The following STARD13 variants were observed in gnomAD, a reference collection of about 807,000 sequenced individuals.
The protein encoded by STARD13 is StAR related lipid transfer domain containing 13.
A neutral mutation model predicts 106.4 loss-of-function variants in STARD13; 62 were observed. The ratio of observed to expected loss-of-function variants is 0.58; its 90% CI spans 0.48 to 0.72. STARD13 has a LOEUF of 0.72. Ranked by LOEUF, STARD13 falls within the 30% of genes least tolerant of loss-of-function variation. STARD13 has a pLI of 0.00. For synonymous variants in STARD13, 565 were observed against 553.0 expected (o/e 1.02, Z -0.31); for missense variants, 1,387 against 1,424.0 (o/e 0.97, Z 0.42).
chr13:33,591,807 G>GAAAA, the STARD13 span, among the ~76,000 whole-genome samples: 1,143 of 151,030 alleles, frequency 7.6e-3, 15 homozygotes, highest in African/African-American at 0.025. Context: ...AATATGGAAG[G>GAAAA]AAAAAAAAGA....
the STARD13 span, among the ~76,000 whole-genome samples, chr13:33,653,964 C>G: frequency 6.6e-6 from 1 of 152,128 alleles, no homozygotes; most frequent in Non-Finnish European, 1.5e-5. Flanking sequence ...ACATGCAAAT[C>G]AAAACCACAA....
At chr13:33,428,820 C>G in the STARD13 span, among the ~76,000 whole-genome samples, 1 of 152,008 alleles carries the variant, frequency 6.6e-6, no homozygotes. Flanking sequence ...CCAAACAACT[C>G]TATAGGAAAA....
At chr13:33,508,310 G>C in the STARD13 span, among the ~76,000 whole-genome samples, 1 of 152,200 alleles carries the variant, frequency 6.6e-6, no homozygotes, top group Non-Finnish European at 1.5e-5. Context: ...TTTTGGTTGT[G>C]TTGCTAACCC....
the STARD13 span, among the ~76,000 whole-genome samples, chr13:33,462,549 C>T: frequency 1.6e-4 from 25 of 152,270 alleles, no homozygotes; most frequent in African/African-American, 5.8e-4. Context: ...GTCCAAGTCC[C>T]AAAACCTCAA....
the STARD13 span, among the ~76,000 whole-genome samples, chr13:33,656,057 T>C: frequency 6.6e-6 from 1 of 152,204 alleles, no homozygotes; most frequent in Non-Finnish European, 1.5e-5. Context: ...GCAACTTCTC[T>C]CCTACTCCTT....
At chr13:33,221,482 A>C (rs967592438) in intron 1 of STARD13, among the ~76,000 whole-genome samples, 5 of 152,324 alleles carry the variant, frequency 3.3e-5, no homozygotes, top group African/African-American at 1.2e-4. Flanking sequence ...GTAGCGCAAA[A>C]GCATCAGTCT....
chr13:33,415,029 T>C, the STARD13 span, among the ~76,000 whole-genome samples: 146 of 152,258 alleles, frequency 9.6e-4, no homozygotes, highest in African/African-American at 3.1e-3. Context: ...ACCTGCGACA[T>C]ATTTGTATGT....
At chr13:33,372,491 C>T in the STARD13 span, among the ~76,000 whole-genome samples, 1 of 149,696 alleles carries the variant, frequency 6.7e-6, no homozygotes, top group Non-Finnish European at 1.5e-5. Context: ...ATCTCGTATG[C>T]CTTCTGAATG....
At chr13:33,310,110 C>A (rs1893074639) in intron 1 of STARD13, among the ~76,000 whole-genome samples, 1 of 152,162 alleles carries the variant, frequency 6.6e-6, no homozygotes, top group Non-Finnish European at 1.5e-5. Flanking sequence ...ACACTGAGTT[C>A]TTTTCAACTG....
intron 1 of STARD13, among the ~76,000 whole-genome samples, chr13:33,268,108 G>A (rs1890989439): frequency 6.6e-6 from 1 of 152,212 alleles, no homozygotes; most frequent in Admixed American, 6.5e-5. Context: ...TCATACACTG[G>A]ACTTCTGGGG....
the STARD13 span, among the ~76,000 whole-genome samples, chr13:33,464,230 A>G: frequency 6.6e-6 from 1 of 151,774 alleles, no homozygotes; most frequent in Non-Finnish European, 1.5e-5. Flanking sequence ...GAAATGGGAG[A>G]TGGATAAAGG....
intron 4 of STARD13, among the ~76,000 whole-genome samples, chr13:33,135,854 G>T (rs546922705): frequency 6.6e-6 from 1 of 152,294 alleles, no homozygotes; most frequent in East Asian, 1.9e-4. Context: ...CAGGCATAGT[G>T]GCTCATGCCT....
chr13:33,121,314 C>T (rs992421852), intron 7 of STARD13, among the ~76,000 whole-genome samples: 2 of 152,200 alleles, frequency 1.3e-5, no homozygotes, highest in South Asian at 2.1e-4. Flanking sequence ...CACCTGTAAT[C>T]CCAGCACTTT....
rs1171538862 is a variant in STARD13 at position 33,112,771 on chromosome 13, C to G, written c.2442G>C (p.Leu814=). 9 of 1,613,154 alleles carry G rather than the reference C, an allele frequency of 5.6e-6. No individual in the cohort carries two copies. The change falls in exon 9 of 14, where the codon CTG becomes CTC. Residue 814 remains leucine, a synonymous_variant. Coordinates refer to ENST00000336934, the MANE Select transcript of STARD13 (RefSeq NM_178006.4). ...AATTAAGATGAAAGAGGGAGGGGGCCAGACACACTGCCAGGTTCATGGGCG... is the reference window on the plus strand; with the variant it reads ...AATTAAGATGAAAGAGGGAGGGGGCGAGACACACTGCCAGGTTCATGGGCG... ...QMTPMNLAVC[L]APSLFHLNLL...
chr13:33,453,786 T>C, the STARD13 span, among the ~76,000 whole-genome samples: 3 of 152,190 alleles, frequency 2.0e-5, no homozygotes, highest in Non-Finnish European at 4.4e-5. Context: ...AAAGAGTGTG[T>C]AACAGGGAGG....
the STARD13 span, among the ~76,000 whole-genome samples, chr13:33,444,109 G>A: frequency 2.0e-5 from 3 of 152,078 alleles, no homozygotes; most frequent in Admixed American, 2.0e-4. Context: ...GTTAGATCAC[G>A]TGTCTCTCGA....
chr13:33,639,752 C>T, the STARD13 span, among the ~76,000 whole-genome samples: 6 of 152,208 alleles, frequency 3.9e-5, no homozygotes, highest in African/African-American at 1.4e-4. Flanking sequence ...AGGCAAAAGC[C>T]AAACTGTAAT....
the STARD13 span, among the ~76,000 whole-genome samples, chr13:33,358,323 C>T: frequency 6.6e-6 from 1 of 152,226 alleles, no homozygotes; most frequent in African/African-American, 2.4e-5. Flanking sequence ...CCCTGCTCCA[C>T]GGTGCCCAGT....
intron 1 of STARD13, among the ~76,000 whole-genome samples, chr13:33,191,527 C>T (rs1032084202): frequency 1.3e-5 from 2 of 152,178 alleles, no homozygotes; most frequent in African/African-American, 4.8e-5. Flanking sequence ...CAACCACATG[C>T]CGATGTCCTG....
Sources: allele counts gnomAD v4.1 joint callset (sites outside exome capture counted in the v4.1 genomes callset), GRCh38; gene constraint gnomAD v4.1.1; transcripts MANE v1.5; gene names NCBI Gene and HGNC (gene_info 2026-07-23, HGNC 2026-07-21).